The following EYA1 variants were observed in gnomAD, a reference collection of about 807,000 sequenced individuals.
EYA1 encodes protein phosphatase EYA1.
EYA1 carries 16 observed loss-of-function variants against 82.0 expected under a neutral mutation model. The ratio of observed to expected loss-of-function variants is 0.20; its 90% CI spans 0.13 to 0.30. EYA1 has a LOEUF of 0.30. Among genes scored for constraint, EYA1 ranks in the 10% least tolerant of loss-of-function variants. EYA1 has a pLI of 1.00. For synonymous variants in EYA1, 261 were observed against 264.4 expected, an observed-to-expected ratio of 0.99 and a Z score of 0.12; for missense variants, 633 against 730.7, an observed-to-expected ratio of 0.87 and a Z score of 1.54.
chr8:71,497,270 G>A (rs545454137), intron 2 of EYA1, among the ~76,000 whole-genome samples: 121 of 152,326 alleles, frequency 7.9e-4, no homozygotes, highest in African/African-American at 2.8e-3. Flanking sequence ...AGAAATTTGT[G>A]TTGGGCCGCA....
intron 7 of EYA1, among the ~76,000 whole-genome samples, chr8:71,312,852 A>G (rs1821500584): frequency 6.6e-6 from 1 of 152,214 alleles, no homozygotes; most frequent in Non-Finnish European, 1.5e-5. Flanking sequence ...CTGTTATTTT[A>G]TTTTGTTGTA....
chr8:71,411,515 A>G (rs1830586066), intron 2 of EYA1, among the ~76,000 whole-genome samples: 1 of 139,724 alleles, frequency 7.2e-6, no homozygotes, highest in South Asian at 2.3e-4. Context: ...ATCTACAATG[A>G]ACTCAAACAA....
intron 7 of EYA1, among the ~76,000 whole-genome samples, chr8:71,301,444 C>T (rs1820187402): frequency 1.3e-5 from 2 of 152,140 alleles, no homozygotes; most frequent in Admixed American, 6.5e-5. Context: ...TCTCTATTTA[C>T]GTATCTTTTC....
intron 2 of EYA1, among the ~76,000 whole-genome samples, chr8:71,485,401 G>A (rs528296215): frequency 6.1e-4 from 92 of 152,028 alleles, no homozygotes; most frequent in African/African-American, 2.1e-3. Context: ...CAAAGTTAGG[G>A]GGACATAAAA....
chr8:71,352,049 T>C (rs1007387210), intron 3 of EYA1, among the ~76,000 whole-genome samples: 14 of 152,180 alleles, frequency 9.2e-5, no homozygotes, highest in Admixed American at 5.2e-4. Context: ...CTGAAAATGT[T>C]CATTGTAGAG....
At chr8:71,306,163 A>G (rs1420759171) in intron 7 of EYA1, among the ~76,000 whole-genome samples, 1 of 152,204 alleles carries the variant, frequency 6.6e-6, no homozygotes, top group East Asian at 1.9e-4. Flanking sequence ...ACCTGGTTAG[A>G]CTGGGAAGGA....
chr8:71,522,796 A>T (rs1270381208), intron 2 of EYA1, among the ~76,000 whole-genome samples: 1 of 151,848 alleles, frequency 6.6e-6, no homozygotes, highest in African/African-American at 2.4e-5. Flanking sequence ...TTTTTTGTAG[A>T]GAGTGGTCTC....
In EYA1 at chr8:71,308,462, A is replaced by G. The variant is rs1036992602; in HGVS notation, c.557-8742T>C. Among the ~76,000 whole-genome samples the G allele has an allele frequency of 5.9e-5, 9 of 152,248 alleles. No homozygotes were observed. In the South Asian group the frequency reaches 1.9e-3, roughly 32 times the overall value. On this transcript the variant is annotated intron_variant, in intron 7 of 17. Coordinates refer to ENST00000340726, the MANE Select transcript of EYA1 (RefSeq NM_000503.6). ...AGAAAGAGTGGTGGCCTTGTCAACC[A>G]TAACAAACAAGAAACAGTCTTGCTT...
At chr8:71,401,723 T>C (rs1829968097) in intron 2 of EYA1, among the ~76,000 whole-genome samples, 1 of 152,220 alleles carries the variant, frequency 6.6e-6, no homozygotes, top group Non-Finnish European at 1.5e-5. Context: ...TTGGAGACCC[T>C]CTACGTAAAA....
At chr8:71,457,773 T>C (rs548579101) in intron 2 of EYA1, among the ~76,000 whole-genome samples, 1 of 151,998 alleles carries the variant, frequency 6.6e-6, no homozygotes, top group African/African-American at 2.4e-5. Flanking sequence ...TTCGGAGATA[T>C]ACCTAATGTA....
intron 2 of EYA1, among the ~76,000 whole-genome samples, chr8:71,375,520 A>G (rs770365991): frequency 6.6e-6 from 1 of 152,188 alleles, no homozygotes; most frequent in Admixed American, 6.5e-5. Context: ...TAAAACATGA[A>G]AGATCAATAA....
intron 11 of EYA1, among the ~76,000 whole-genome samples, chr8:71,257,053 T>A (rs1814523476): frequency 6.6e-6 from 1 of 152,170 alleles, no homozygotes; most frequent in Non-Finnish European, 1.5e-5. Context: ...GTTAGACATT[T>A]AATGATATTA....
At chr8:71,267,098 G>C (rs1430193674) in intron 11 of EYA1, among the ~76,000 whole-genome samples, 2 of 152,256 alleles carry the variant, frequency 1.3e-5, no homozygotes, top group East Asian at 3.9e-4. Flanking sequence ...CTTAGCTAAA[G>C]TAAAATGTAA....
intron 17 of EYA1, among the ~76,000 whole-genome samples, chr8:71,200,848 G>T (rs1806899705): frequency 6.6e-6 from 1 of 151,340 alleles, no homozygotes; most frequent in South Asian, 2.1e-4. Context: ...CTGAAGGGAG[G>T]TGATAGCTGA....
chr8:71,373,857 T>C (rs1028368850), intron 2 of EYA1, among the ~76,000 whole-genome samples: 2 of 152,140 alleles, frequency 1.3e-5, no homozygotes, highest in Non-Finnish European at 2.9e-5. Context: ...CAAATAATTT[T>C]CAACAAGACC....
intron 7 of EYA1, among the ~76,000 whole-genome samples, chr8:71,315,804 A>G (rs1273471257): frequency 6.6e-6 from 1 of 152,258 alleles, no homozygotes; most frequent in Non-Finnish European, 1.5e-5. Flanking sequence ...CATAAATAAT[A>G]TCCTTCTACC....
At chr8:71,491,044 G>A (rs1340540340) in intron 2 of EYA1, among the ~76,000 whole-genome samples, 1 of 151,992 alleles carries the variant, frequency 6.6e-6, no homozygotes, top group Non-Finnish European at 1.5e-5. Flanking sequence ...AAAAAACACT[G>A]AGCATCAAAA....
intron 1 of EYA1, among the ~76,000 whole-genome samples, chr8:71,543,493 A>G (rs1237083671): frequency 6.6e-6 from 1 of 152,214 alleles, no homozygotes; most frequent in Non-Finnish European, 1.5e-5. Flanking sequence ...TCCCAGTACC[A>G]TCAAGGAGGT....
chr8:71,383,782 G>A lies in EYA1; in HGVS notation c.34-27271C>T, dbSNP rs533014133. ...TAAGGAGAGTGAAAATGAAGAAGAT[G>A]CACAATAGGATTTAACTTATTTAAT... On this transcript the variant is annotated intron_variant, in intron 2 of 18. Transcript: ENST00000643681. Among the ~76,000 whole-genome samples, 46 of 151,934 alleles carry A rather than the reference G, an allele frequency of 3.0e-4. 1 individual carries two copies. In the South Asian group the frequency reaches 9.5e-3, roughly 32 times the overall value.
Sources: allele counts gnomAD v4.1 joint callset (sites outside exome capture counted in the v4.1 genomes callset), GRCh38; gene constraint gnomAD v4.1.1; transcripts MANE v1.5; gene names NCBI Gene and HGNC (gene_info 2026-07-23, HGNC 2026-07-21).